The following PALD1 variants were observed in gnomAD, a reference collection of about 807,000 sequenced individuals.
The protein encoded by PALD1 is phosphatase domain containing paladin 1, also known as paladin.
A neutral mutation model predicts 96.0 loss-of-function variants in PALD1; 57 were observed. That is an observed-to-expected ratio of 0.59 (90% CI 0.48 to 0.74). The LOEUF (loss-of-function observed/expected upper bound fraction) is 0.74, where lower values mean the gene tolerates loss of function less well. PALD1 is among the 30% of genes least tolerant of loss of function. PALD1 has a pLI of 0.00. For synonymous variants in PALD1, 464 were observed against 473.6 expected, an observed-to-expected ratio of 0.98 and a Z score of 0.26; for missense variants, 1,063 against 1,143.7, an observed-to-expected ratio of 0.93 and a Z score of 1.02.
At position 70,541,201 on chromosome 10, in the gene PALD1, A is replaced by G. The variant is rs767504952; in HGVS notation, c.2008A>G (p.Thr670Ala). ...SCLSGQGRTT[T>A]AMVVAVLAFW... ...CCTCAGCGGCCAGGGCCGTACCACA[A>G]CTGCGATGGTGGTGGCTGTCCTGGC... The change falls in exon 16 of 20, where the codon ACT (threonine) becomes GCT (alanine). Residue 670 changes from threonine (T) to alanine (A), a missense_variant. Coordinates refer to ENST00000263563, the MANE Select transcript of PALD1 (RefSeq NM_014431.3). The G allele has an allele frequency of 1.5e-5, 25 of 1,613,508 alleles. No individual in the cohort carries two copies. The South Asian group carries it at 1.6e-4, about 11-fold the overall frequency.
chr10:70,541,437 C>A, intron 16 of PALD1, 26 bp from the exon 17 acceptor site: 1 of 1,610,312 alleles, frequency 6.2e-7, no homozygotes, highest in East Asian at 2.2e-5. Flanking sequence ...GAGGGGGCTT[C>A]TGTCTCAGCA....
the PALD1 span, among the ~76,000 whole-genome samples, chr10:70,460,816 G>A: frequency 2.0e-5 from 3 of 152,214 alleles, no homozygotes; most frequent in Admixed American, 2.0e-4. Context: ...AGCACTTTGG[G>A]AGGCCGAGGC....
chr10:70,547,637 T>A (rs1847396984), intron 18 of PALD1, among the ~76,000 whole-genome samples, 191 bp downstream of exon 18: 1 of 152,076 alleles, frequency 6.6e-6, no homozygotes, highest in South Asian at 2.1e-4. Flanking sequence ...CCCGACCCAC[T>A]GGTATGGGTA....
At chr10:70,532,544 C>G (rs1847013934) in intron 5 of PALD1, 77 bp from the exon 6 acceptor site, 2 of 1,493,764 alleles carry the variant, frequency 1.3e-6, no homozygotes, top group Non-Finnish European at 1.8e-6. Context: ...TCTGGTCACT[C>G]CAGAGCTCAG....
At chr10:70,503,896 C>T (rs1246903681) in intron 1 of PALD1, among the ~76,000 whole-genome samples, 3 of 152,218 alleles carry the variant, frequency 2.0e-5, no homozygotes, top group African/African-American at 4.8e-5. Context: ...CTTTGTATCA[C>T]GTCTTCTTTT....
At chr10:70,493,405 G>A (rs78298942) in intron 1 of PALD1, among the ~76,000 whole-genome samples, 2,281 of 152,326 alleles carry the variant, frequency 0.015, 71 homozygotes, top group African/African-American at 0.053. Flanking sequence ...GGACAGTGAT[G>A]TCTGCAGTGG....
intron 1 of PALD1, among the ~76,000 whole-genome samples, chr10:70,517,298 T>C (rs899162894): frequency 1.3e-5 from 2 of 151,840 alleles, no homozygotes; most frequent in Non-Finnish European, 2.9e-5. Flanking sequence ...ACAGATTTAC[T>C]GAGGTAGCGT....
intron 1 of PALD1, among the ~76,000 whole-genome samples, chr10:70,497,189 G>A (rs1846208599): frequency 6.6e-6 from 1 of 152,256 alleles, no homozygotes; most frequent in African/African-American, 2.4e-5. Flanking sequence ...GTTGGTGCTG[G>A]CCAGGCACAG....
intron 17 of PALD1, among the ~76,000 whole-genome samples, chr10:70,543,257 T>G (rs1303002555): frequency 1.3e-5 from 2 of 152,164 alleles, no homozygotes; most frequent in African/African-American, 4.8e-5. Flanking sequence ...TTGTTGAGTT[T>G]TGGTTCTTTA....
At chr10:70,502,369 T>G (rs974026809) in intron 1 of PALD1, among the ~76,000 whole-genome samples, 1 of 152,188 alleles carries the variant, frequency 6.6e-6, no homozygotes, top group Non-Finnish European at 1.5e-5. Flanking sequence ...TACATTCAGC[T>G]TCAAGCACTG....
chr10:70,475,523 C>G (rs1391178965), upstream of PALD1, among the ~76,000 whole-genome samples: 3 of 150,068 alleles, frequency 2.0e-5, no homozygotes, highest in Non-Finnish European at 4.4e-5. Context: ...GTCCACTCCT[C>G]AGGTCCAGTG....
At chr10:70,483,912 G>A (rs975548338) in intron 1 of PALD1, among the ~76,000 whole-genome samples, 1 of 152,146 alleles carries the variant, frequency 6.6e-6, no homozygotes, top group Non-Finnish European at 1.5e-5. Flanking sequence ...GGTGCTGAAA[G>A]GTACAACACA....
chr10:70,541,576 G>A, intron 17 of PALD1, 42 bp downstream of exon 17: 3 of 1,383,052 alleles, frequency 2.2e-6, no homozygotes, highest in Non-Finnish European at 2.0e-6. Context: ...CTTGGGATGG[G>A]AGGAGGAGGA....
chr10:70,523,854 C>T (rs1846795274), intron 1 of PALD1, among the ~76,000 whole-genome samples: 1 of 152,038 alleles, frequency 6.6e-6, no homozygotes, highest in South Asian at 2.1e-4. Context: ...GTTGTTCTCT[C>T]TGAGAGTCCC....
chr10:70,473,122 A>C, the PALD1 span, among the ~76,000 whole-genome samples: 2 of 152,186 alleles, frequency 1.3e-5, no homozygotes, highest in South Asian at 4.1e-4. Context: ...TAGAGATGGC[A>C]GGGCCCTTGA....
chr10:70,554,155 A>C (rs1847542266), intron 18 of PALD1, among the ~76,000 whole-genome samples: 2 of 152,184 alleles, frequency 1.3e-5, no homozygotes, highest in Admixed American at 1.3e-4. Flanking sequence ...AAGGCCATGC[A>C]CTCTGGCTCA....
chr10:70,541,038 AC>A (rs1215671178), intron 15 of PALD1, 63 bp from the exon 16 acceptor site: 5 of 1,506,096 alleles, frequency 3.3e-6, no homozygotes. Flanking sequence ...GTGGATGGGG[AC>A]CCTGTTGGGG....
At chr10:70,560,914 G>A (rs1022388771) in intron 18 of PALD1, among the ~76,000 whole-genome samples, 6 of 132,736 alleles carry the variant, frequency 4.5e-5, no homozygotes, top group African/African-American at 1.4e-4. Flanking sequence ...TGGCTGACCC[G>A]TCCTCCCCAG....
chr10:70,469,367 G>A, the PALD1 span, among the ~76,000 whole-genome samples: 1 of 152,172 alleles, frequency 6.6e-6, no homozygotes, highest in Non-Finnish European at 1.5e-5. Context: ...GCACACACAG[G>A]CAGGCTGGGG....
Sources: gnomAD v4.1 joint callset for allele counts (sites outside exome capture counted in the v4.1 genomes callset) on GRCh38, gnomAD v4.1.1 for gene constraint, MANE v1.5 for transcripts, NCBI Gene and HGNC (gene_info 2026-07-23, HGNC 2026-07-21) for gene names.